The following DHRS3 variants were observed in gnomAD, a reference collection of about 807,000 sequenced individuals.
The protein encoded by DHRS3 is dehydrogenase/reductase 3.
In DHRS3, 14 loss-of-function variants were observed where a neutral mutation model predicts 27.2. The ratio of observed to expected loss-of-function variants is 0.52; its 90% CI spans 0.34 to 0.81. DHRS3 has a LOEUF of 0.81. DHRS3 is among the 30% of genes least tolerant of loss of function. The probability of loss-of-function intolerance (pLI) is 0.01; values close to 1 mark genes in which losing one functional copy is unlikely to be tolerated. For missense variants in DHRS3, 322 were observed against 406.2 expected (o/e 0.79, Z 1.78); for synonymous variants, 165 against 175.9 (o/e 0.94, Z 0.49).
chr1:12,615,897 A>C (rs962168612), intron 1 of DHRS3, among the ~76,000 whole-genome samples: 26 of 152,174 alleles, frequency 1.7e-4, no homozygotes, highest in Admixed American at 1.4e-3. Flanking sequence ...CAAACCACCC[A>C]AGGAGAAGAG....
intron 5 of DHRS3, 54 bp downstream of exon 5, chr1:12,572,674 T>G (rs2100644579): frequency 1.9e-6 from 3 of 1,551,068 alleles, no homozygotes; most frequent in Middle Eastern, 1.7e-4. Flanking sequence ...ACATGACTAA[T>G]AGATCACATG....
At chr1:12,602,230 C>A (rs1646840484) in intron 1 of DHRS3, among the ~76,000 whole-genome samples, 1 of 152,174 alleles carries the variant, frequency 6.6e-6, no homozygotes, top group South Asian at 2.1e-4. Context: ...CAGCCAGGAC[C>A]AGAGAGGAGG....
Position 12,568,275 on chromosome 1 carries a change from G to T in DHRS3, c.*65C>A, listed in dbSNP as rs764168930. 1 of 1,437,004 alleles carries T rather than the reference G, an allele frequency of 7.0e-7. No individual in the cohort carries two copies. The highest frequency in any genetic ancestry group is 1.7e-5 in the Admixed American group (1 of 59,518). 89.0% of individuals were successfully genotyped at this position (1,437,004 alleles called of 1,614,324 possible). Reference sequence around the variant, plus strand: ...AAGCATGCCAATGGACAGGTGCTCGGGTGTGTGCCCAGGTGCTGTGGCCCC... The same window carrying T: ...AAGCATGCCAATGGACAGGTGCTCGTGTGTGTGCCCAGGTGCTGTGGCCCC... On this transcript the variant is annotated 3_prime_UTR_variant, in exon 6 of 6. Transcript: ENST00000616661.
At chr1:12,595,385 G>C (rs1290956893) in intron 1 of DHRS3, among the ~76,000 whole-genome samples, 3 of 152,082 alleles carry the variant, frequency 2.0e-5, no homozygotes, top group South Asian at 2.1e-4. Flanking sequence ...TCTGAAAGTG[G>C]GCCCAGGGGC....
In DHRS3 at chr1:12,578,801, C is replaced by T; in HGVS notation, c.615G>A (p.Gly205=). 1 of 1,614,010 alleles carries T rather than the reference C, an allele frequency of 6.2e-7. No individual in the cohort carries two copies. Among genetic ancestry groups the T allele is most frequent in the Non-Finnish European group, 8.5e-7 (1 of 1,180,022 alleles). ...CGCTGACTCCCGGACAGTCCAGCAG[C>T]CCCAGGGTCAGGCTCTCCATGAAGG... ...AFAFMESLTL[G]LLDCPGVSAT... Residue 205 remains glycine, a synonymous_variant, in exon 4 of 6, where the codon GGG becomes GGA. Transcript: ENST00000616661. The surrounding 1 kb of genome is among the most constrained non-coding windows in gnomAD (Gnocchi z 4.5).
chr1:12,570,420 C>T (rs1021687732), intron 5 of DHRS3, among the ~76,000 whole-genome samples: 1 of 152,198 alleles, frequency 6.6e-6, no homozygotes, highest in African/African-American at 2.4e-5. Flanking sequence ...ACTGAAGGGT[C>T]CTGGCCCACT....
At chr1:12,609,945 C>T (rs1409962450) in intron 1 of DHRS3, among the ~76,000 whole-genome samples, 3 of 152,162 alleles carry the variant, frequency 2.0e-5, no homozygotes, top group Non-Finnish European at 4.4e-5. Flanking sequence ...TCCTTCAGGT[C>T]TTTCCTCGTG....
intron 1 of DHRS3, among the ~76,000 whole-genome samples, chr1:12,610,166 C>T (rs561320927): frequency 6.6e-6 from 1 of 152,208 alleles, no homozygotes; most frequent in East Asian, 1.9e-4. Flanking sequence ...GCAACCTCCG[C>T]CTCCCAGGTT....
intron 1 of DHRS3, among the ~76,000 whole-genome samples, chr1:12,603,714 C>T (rs941966855): frequency 1.3e-5 from 2 of 152,200 alleles, no homozygotes; most frequent in Non-Finnish European, 2.9e-5. Flanking sequence ...TCATCATACG[C>T]TTCACTCATC....
At chr1:12,614,526 A>C (rs992906528) in intron 1 of DHRS3, among the ~76,000 whole-genome samples, 32 of 147,104 alleles carry the variant, frequency 2.2e-4, no homozygotes, top group Non-Finnish European at 2.3e-4. Context: ...AAAAAAAAAA[A>C]CCCTCGCTTA....
Position 12,578,160 on chromosome 1 carries a change from A to G in DHRS3, c.698+558T>C, listed in dbSNP as rs1459825453. ...TGTGGAGGTGCATCTCCCTCATTTGACCTTTAGACACATCCCGCTGCATGC... is the reference window on the plus strand; with the variant it reads ...TGTGGAGGTGCATCTCCCTCATTTGGCCTTTAGACACATCCCGCTGCATGC... On this transcript the variant is annotated intron_variant, in intron 4 of 5. Transcript: ENST00000616661. The surrounding 1 kb of genome is among the most constrained non-coding windows in gnomAD (Gnocchi z 4.5). Among the ~76,000 whole-genome samples, 3 of 152,010 alleles carry G rather than the reference A, an allele frequency of 2.0e-5. No homozygotes were observed. Among genetic ancestry groups the G allele is most frequent in the African/African-American group, 4.8e-5 (2 of 41,374 alleles).
At chr1:12,610,236 G>T (rs1361390268) in intron 1 of DHRS3, among the ~76,000 whole-genome samples, 1 of 144,312 alleles carries the variant, frequency 6.9e-6, no homozygotes, top group African/African-American at 2.5e-5. Context: ...GCTCTACCAT[G>T]CCCAGCAATT....
At chr1:12,569,714 C>T (rs945714123) in intron 5 of DHRS3, among the ~76,000 whole-genome samples, 3 of 152,110 alleles carry the variant, frequency 2.0e-5, no homozygotes, top group Non-Finnish European at 2.9e-5. Flanking sequence ...TACAGGCATG[C>T]GCCACCATGC....
intron 1 of DHRS3, among the ~76,000 whole-genome samples, chr1:12,582,910 G>T (rs1434003875): frequency 7.9e-6 from 1 of 127,026 alleles, no homozygotes; most frequent in Non-Finnish European, 1.7e-5. Flanking sequence ...ATCCATCCAT[G>T]CATCCATCCA....
At chr1:12,573,593 T>C (rs941438193) in intron 4 of DHRS3, among the ~76,000 whole-genome samples, 5 of 152,260 alleles carry the variant, frequency 3.3e-5, no homozygotes, top group Admixed American at 1.3e-4. Flanking sequence ...CTGCTCATTC[T>C]GTCTGGAGGC....
chr1:12,600,239 A>AC (rs1646826406), intron 1 of DHRS3: 3,505 of 247,128 alleles, frequency 0.014, 131 homozygotes, highest in African/African-American at 0.049. Flanking sequence ...ACACACACAC[A>AC]ATCACACAAA....
At chr1:12,569,229 T>TCACACACACACACA (rs1557509306) in intron 5 of DHRS3, among the ~76,000 whole-genome samples, 108 of 140,356 alleles carry the variant, frequency 7.7e-4, no homozygotes, top group African/African-American at 2.6e-3. Context: ...TCTCTCTCTC[T>TCACACACACACACA]CTCACACACA....
Position 12,578,537 on chromosome 1 carries a change from C to T in DHRS3, c.698+181G>A, listed in dbSNP as rs1348525815. ...CCATGCTGCCCAGGCTGGTCTCAAA[C>T]TGGATTGCTGGGCTCAAGCGATCCA... is the stretch of plus-strand genomic sequence containing the variant. On this transcript the variant is annotated intron_variant, in intron 4 of 5. Coordinates refer to ENST00000616661, the MANE Select transcript of DHRS3 (RefSeq NM_004753.7). This position sits in a 1 kb window ranked among gnomAD's most constrained non-coding sequence, Gnocchi z 4.5. 1.3e-5 allele frequency among the ~76,000 whole-genome samples: 2 copies of T among 152,150 alleles called. No individual in the cohort carries two copies. The highest frequency in any genetic ancestry group is 2.9e-5 in the Non-Finnish European group (2 of 68,032).
rs138840590 is a variant in DHRS3, at chr1:12,589,815, C to G, written c.196-9149G>C. ...CCTGGGCAACATAGCAAGACTCTGT[C>G]TCTGTTTTGTAAAAAGCTAGCTGTC... On this transcript the variant is annotated intron_variant, in intron 1 of 5. Coordinates refer to ENST00000616661, the MANE Select transcript of DHRS3 (RefSeq NM_004753.7). Among the ~76,000 whole-genome samples the G allele has an allele frequency of 6.8e-4, 104 of 151,968 alleles. 2 individuals are homozygous for G. Among genetic ancestry groups the G allele is most frequent in the African/African-American group, 2.4e-3 (98 of 41,342 alleles).
Sources: allele counts gnomAD v4.1 joint callset (sites outside exome capture counted in the v4.1 genomes callset), GRCh38; gene constraint gnomAD v4.1.1; non-coding constraint Gnocchi (gnomAD v3.1); transcripts MANE v1.5; gene names NCBI Gene and HGNC (gene_info 2026-07-23, HGNC 2026-07-21).